Variants in MEI4 observed in about 807,000 individuals in gnomAD.
MEI4 encodes the protein meiotic double-stranded break formation protein 4.
Under a neutral mutation model 31.4 loss-of-function variants are expected in MEI4, and 27 were observed. That is an observed-to-expected ratio of 0.86 (90% CI 0.63 to 1.19). The LOEUF is 1.19. Ranked by LOEUF, MEI4 falls within the 50% of genes most tolerant of loss-of-function variation. The pLI, the probability that MEI4 is intolerant of heterozygous loss-of-function variation, is 0.00. For synonymous variants in MEI4, 122 were observed against 145.4 expected, an observed-to-expected ratio of 0.84 and a Z score of 1.16; for missense variants, 329 against 398.9, an observed-to-expected ratio of 0.82 and a Z score of 1.49.
intron 4 of MEI4, among the ~76,000 whole-genome samples, chr6:77,893,690 C>T (rs1196230763): frequency 6.6e-6 from 1 of 152,146 alleles, no homozygotes; most frequent in Non-Finnish European, 1.5e-5. Flanking sequence ...CTTTCTTGTT[C>T]TATACTCCTT....
intron 2 of MEI4, among the ~76,000 whole-genome samples, chr6:77,730,520 T>C (rs987392375): frequency 1.3e-5 from 2 of 152,116 alleles, no homozygotes; most frequent in African/African-American, 2.4e-5. Context: ...TCCCAGTTTT[T>C]CCCTACTAAC....
chr6:77,865,980 A>G (rs1444367375), intron 4 of MEI4, among the ~76,000 whole-genome samples: 2 of 152,214 alleles, frequency 1.3e-5, no homozygotes, highest in African/African-American at 4.8e-5. Flanking sequence ...GACAAAAACC[A>G]CATGATTATC....
Position 77,922,074 on chromosome 6 carries a change from C to T in MEI4, c.901-1015C>T, listed in dbSNP as rs117160737. On this transcript the variant is annotated intron_variant, in intron 4 of 4. Transcript: ENST00000684080. ...AAAAAATTGCAATATCTGGGAGGTA[C>T]AATAATGTAAAGCACACTAAAATGA... Among the ~76,000 whole-genome samples, 860 of 151,618 alleles carry T rather than the reference C, an allele frequency of 5.7e-3. 4 individuals carry two copies. The highest frequency in any genetic ancestry group is 9.0e-3 in the Admixed American group (136 of 15,162).
At chr6:77,677,625 CCT>C (rs534165732) in intron 1 of MEI4, among the ~76,000 whole-genome samples, 133 of 152,226 alleles carry the variant, frequency 8.7e-4, no homozygotes, top group Non-Finnish European at 1.4e-3. Flanking sequence ...TGTTAAATGG[CCT>C]CTCAGTTTTG....
At chr6:77,698,116 T>G (rs535360082) in intron 2 of MEI4, among the ~76,000 whole-genome samples, 1 of 152,312 alleles carries the variant, frequency 6.6e-6, no homozygotes, top group African/African-American at 2.4e-5. Flanking sequence ...TTCCATTTCC[T>G]TGGTAGATCT....
At chr6:77,842,559 A>G (rs1030117381) in intron 4 of MEI4, among the ~76,000 whole-genome samples, 7 of 152,142 alleles carry the variant, frequency 4.6e-5, no homozygotes, top group African/African-American at 7.2e-5. Context: ...TGATGTTGAA[A>G]AGATGAAAAC....
chr6:77,805,847 T>C (rs1290243420), intron 3 of MEI4, among the ~76,000 whole-genome samples: 4 of 151,550 alleles, frequency 2.6e-5, no homozygotes, highest in Non-Finnish European at 4.4e-5. Context: ...AGGACTTACA[T>C]GAAGATTTTT....
At chr6:77,687,008 G>A (rs973506550) in intron 1 of MEI4, among the ~76,000 whole-genome samples, 5 of 151,712 alleles carry the variant, frequency 3.3e-5, no homozygotes, top group Admixed American at 6.6e-5. Flanking sequence ...GTTCAATAAG[G>A]AAAAATTAGG....
At chr6:77,913,654 G>T (rs955099663) in intron 4 of MEI4, among the ~76,000 whole-genome samples, 4 of 150,256 alleles carry the variant, frequency 2.7e-5, no homozygotes, top group African/African-American at 7.3e-5. Context: ...ATTTCTGCTT[G>T]TATTTATTTG....
At chr6:77,754,623 A>G (rs1767865633) in intron 2 of MEI4, among the ~76,000 whole-genome samples, 1 of 152,180 alleles carries the variant, frequency 6.6e-6, no homozygotes, top group South Asian at 2.1e-4. Flanking sequence ...TGCAGTACCA[A>G]TTTCTTGTAT....
chr6:77,885,555 TAA>T (rs1177616666), intron 4 of MEI4, among the ~76,000 whole-genome samples: 1 of 152,188 alleles, frequency 6.6e-6, no homozygotes, highest in African/African-American at 2.4e-5. Context: ...TTATCATGTC[TAA>T]GAGTTTCTTG....
intron 4 of MEI4, among the ~76,000 whole-genome samples, chr6:77,846,445 A>T (rs1456323761): frequency 6.6e-6 from 1 of 152,066 alleles, no homozygotes; most frequent in African/African-American, 2.4e-5. Flanking sequence ...TCGTTTCTTT[A>T]GTAAGTTATT....
chr6:77,885,841 T>C (rs1024129143), intron 4 of MEI4, among the ~76,000 whole-genome samples: 20 of 152,188 alleles, frequency 1.3e-4, no homozygotes, highest in Non-Finnish European at 1.5e-5. Context: ...GGTATGTTCC[T>C]TCTGTGCCTA....
intron 4 of MEI4, among the ~76,000 whole-genome samples, chr6:77,886,366 T>C (rs1771617729): frequency 6.6e-6 from 1 of 152,174 alleles, no homozygotes; most frequent in Non-Finnish European, 1.5e-5. Flanking sequence ...TTCTGTGTCT[T>C]CTCAAGTCAA....
intron 4 of MEI4, among the ~76,000 whole-genome samples, chr6:77,864,113 C>T (rs1200632909): frequency 6.6e-6 from 1 of 152,160 alleles, no homozygotes; most frequent in Non-Finnish European, 1.5e-5. Context: ...TCGGTACCAG[C>T]CACTGCAAAA....
chr6:77,875,631 T>C (rs1220910297), intron 4 of MEI4, among the ~76,000 whole-genome samples: 4 of 152,198 alleles, frequency 2.6e-5, no homozygotes, highest in Non-Finnish European at 5.9e-5. Flanking sequence ...ATTTTTATCA[T>C]TAATAACAAA....
intron 2 of MEI4, among the ~76,000 whole-genome samples, chr6:77,747,239 G>A (rs1023983132): frequency 4.6e-5 from 7 of 152,096 alleles, no homozygotes; most frequent in Non-Finnish European, 8.8e-5. Flanking sequence ...TTGAACCCAG[G>A]AAGCAGAGAT....
At chr6:77,739,833 T>G (rs1176385135) in intron 2 of MEI4, among the ~76,000 whole-genome samples, 1 of 152,210 alleles carries the variant, frequency 6.6e-6, no homozygotes, top group Non-Finnish European at 1.5e-5. Context: ...ATTTCTTGTC[T>G]TCTGCTAGCT....
intron 4 of MEI4, among the ~76,000 whole-genome samples, chr6:77,905,405 G>A (rs112997521): frequency 2.0e-3 from 292 of 145,478 alleles, no homozygotes; most frequent in Middle Eastern, 0.02. Flanking sequence ...TGGATTGAAT[G>A]TAATTAGACA....
Sources: gnomAD v4.1 joint callset for allele counts (sites outside exome capture counted in the v4.1 genomes callset) on GRCh38, gnomAD v4.1.1 for gene constraint, MANE v1.5 for transcripts, NCBI Gene and HGNC (gene_info 2026-07-23, HGNC 2026-07-21) for gene names.